UNC5D: variants seen among roughly 807,000 people sequenced by gnomAD.
The protein encoded by UNC5D is unc-5 netrin receptor D, also known as netrin receptor UNC5D.
In UNC5D, 39 loss-of-function variants were observed where a neutral mutation model predicts 105.4. That is an observed-to-expected ratio of 0.37 (90% CI 0.29 to 0.48). The LOEUF (loss-of-function observed/expected upper bound fraction) is 0.48. Among genes scored for constraint, UNC5D ranks in the 20% least tolerant of loss-of-function variants. The probability of loss-of-function intolerance (pLI) is 0.98; values close to 1 mark genes in which losing one functional copy is unlikely to be tolerated. For missense variants in UNC5D, 991 were observed against 1,202.4 expected, an observed-to-expected ratio of 0.82 and a Z score of 2.60; for synonymous variants, 452 against 450.4, an observed-to-expected ratio of 1.00 and a Z score of -0.04.
chr8:35,610,188 CT>C (rs986309334), intron 4 of UNC5D, among the ~76,000 whole-genome samples: 1 of 151,626 alleles, frequency 6.6e-6, no homozygotes, highest in African/African-American at 2.4e-5. Context: ...CCTACAGCAA[CT>C]TTTCTAAGCT....
At chr8:35,338,687 C>T (rs1469664620) in intron 1 of UNC5D, among the ~76,000 whole-genome samples, 1 of 152,118 alleles carries the variant, frequency 6.6e-6, no homozygotes, top group Non-Finnish European at 1.5e-5. Context: ...TTCTTCCTGG[C>T]TCACTTTTAG....
chr8:35,651,760 C>T (rs559941885), intron 4 of UNC5D, among the ~76,000 whole-genome samples: 1 of 152,234 alleles, frequency 6.6e-6, no homozygotes, highest in Admixed American at 6.5e-5. Flanking sequence ...GGTGAAACTA[C>T]ACTCTTCTGG....
intron 4 of UNC5D, among the ~76,000 whole-genome samples, chr8:35,613,649 G>T (rs143580503): frequency 9.2e-4 from 140 of 152,250 alleles, no homozygotes; most frequent in African/African-American, 3.3e-3. Context: ...AGGAGTACAA[G>T]ACCAGCCTGG....
At chr8:35,404,127 T>C (rs1804653958) in intron 1 of UNC5D, among the ~76,000 whole-genome samples, 2 of 152,182 alleles carry the variant, frequency 1.3e-5, no homozygotes, top group Admixed American at 6.5e-5. Flanking sequence ...GCCTCTCTTA[T>C]ATTGAAAACA....
At chr8:35,552,987 C>T (rs1177045321) in intron 2 of UNC5D, among the ~76,000 whole-genome samples, 2 of 152,184 alleles carry the variant, frequency 1.3e-5, no homozygotes, top group African/African-American at 2.4e-5. Context: ...ACCAGTGGCT[C>T]ACTGGGGCTG....
At position 35,538,439 on chromosome 8, in the gene UNC5D, A is replaced by ATATATATG. The variant is rs1563514252; in HGVS notation, c.104-10852_104-10851insATATATGT. ...TATATATATATATATATATATATAT[A>ATATATATG]TGAATTTTATTCAAAAGACGGAGGA... is the stretch of plus-strand genomic sequence containing the variant. On this transcript the variant is annotated intron_variant, in intron 1 of 16. Transcript: ENST00000404895. Among the ~76,000 whole-genome samples, 19 of 126,842 alleles carry ATATATATG rather than the reference A, an allele frequency of 1.5e-4. 1 individual carries two copies. The highest frequency in any genetic ancestry group is 5.6e-4 in the African/African-American group (19 of 33,764). The allele number at this position is 126,842 out of a possible 152,430, so 83.2% of individuals were successfully genotyped here. A position where few individuals can be genotyped will look rare whatever the true frequency, so the allele number is the denominator to read the frequency against.
At chr8:35,448,599 T>C (rs114565064) in intron 1 of UNC5D, among the ~76,000 whole-genome samples, 2,571 of 152,216 alleles carry the variant, frequency 0.017, 83 homozygotes, top group African/African-American at 0.059. Context: ...GAATCAGTGA[T>C]TTAAACCCTC....
intron 1 of UNC5D, among the ~76,000 whole-genome samples, chr8:35,287,803 C>CA (rs994885521): frequency 1.9e-4 from 29 of 150,518 alleles, no homozygotes; most frequent in African/African-American, 6.6e-4. Context: ...GACCCTGTCT[C>CA]AAAAAAAATG....
chr8:35,632,913 T>C (rs1170086971), intron 4 of UNC5D, among the ~76,000 whole-genome samples: 2 of 152,164 alleles, frequency 1.3e-5, no homozygotes, highest in African/African-American at 4.8e-5. Context: ...ACTCTTCACC[T>C]CCCTTGTTTC....
At chr8:35,650,141 C>CA (rs112007623) in intron 4 of UNC5D, among the ~76,000 whole-genome samples, 1 of 151,866 alleles carries the variant, frequency 6.6e-6, no homozygotes, top group Non-Finnish European at 1.5e-5. Flanking sequence ...AAACAAAAAA[C>CA]AAAAAACAAA....
In UNC5D at chr8:35,684,585, A is replaced by G; in HGVS notation, c.755A>G (p.Asn252Ser). 1.2e-6 allele frequency: 2 copies of G among 1,608,952 alleles called. No homozygotes were observed. The highest frequency in any genetic ancestry group is 1.3e-5 in the African/African-American group (1 of 74,718). Residue 252 changes from asparagine (N) to serine (S), a missense_variant, in exon 6 of 17, where the codon AAT becomes AGT. By Grantham distance (46) the Asn-to-Ser change is conservative. Transcript: ENST00000404895. Reference sequence around the variant, plus strand: ...CCTCCCCATTTTTCTCTCTCAGTGAATGGAGGCTGGTCTTCCTGGACAGAG... The same window carrying G: ...CCTCCCCATTTTTCTCTCTCAGTGAGTGGAGGCTGGTCTTCCTGGACAGAG... ...SLSATVVVYV[N>S]GGWSSWTEWS... is the part of the protein sequence containing the mutation.
At chr8:35,480,499 C>G (rs1225255686) in intron 1 of UNC5D, among the ~76,000 whole-genome samples, 1 of 152,014 alleles carries the variant, frequency 6.6e-6, no homozygotes, top group African/African-American at 2.4e-5. Flanking sequence ...ATGAGTTTTC[C>G]TGGCAGAAAG....
At chr8:35,562,853 T>C (rs1817056568) in intron 2 of UNC5D, among the ~76,000 whole-genome samples, 1 of 152,116 alleles carries the variant, frequency 6.6e-6, no homozygotes, top group South Asian at 2.1e-4. Flanking sequence ...ACCAGTGTTT[T>C]TAAGGACTTA....
At chr8:35,645,562 C>G (rs983303211) in intron 4 of UNC5D, among the ~76,000 whole-genome samples, 11 of 151,108 alleles carry the variant, frequency 7.3e-5, no homozygotes, top group African/African-American at 2.7e-4. Context: ...TGTGAATTCT[C>G]TCTTGTTTCT....
intron 1 of UNC5D, among the ~76,000 whole-genome samples, chr8:35,312,076 G>T (rs1808930916): frequency 1.3e-5 from 2 of 152,146 alleles, no homozygotes; most frequent in African/African-American, 2.4e-5. Context: ...CTAAAGTCAT[G>T]TTTCCCAAAC....
intron 1 of UNC5D, among the ~76,000 whole-genome samples, chr8:35,263,805 C>A (rs1210590673): frequency 6.6e-6 from 1 of 152,206 alleles, no homozygotes; most frequent in African/African-American, 2.4e-5. Context: ...CATCAAGTGA[C>A]AACTGACTTG....
chr8:35,558,016 C>T lies in UNC5D; in HGVS notation c.322+8506C>T, dbSNP rs140952261. Among the ~76,000 whole-genome samples, 106 of 151,338 alleles carry T rather than the reference C, an allele frequency of 7.0e-4. 4 individuals are homozygous for T. The East Asian group carries it at 0.016, about 23-fold the overall frequency. On this transcript the variant is annotated intron_variant, in intron 2 of 16. Transcript: ENST00000404895. ...ATGTGGTGGTGGGCACCTATAATCC[C>T]TTGTGAGGCTGAGGCAGGAGAATCG...
chr8:35,276,602 T>C (rs928472128), intron 1 of UNC5D, among the ~76,000 whole-genome samples: 6 of 152,240 alleles, frequency 3.9e-5, no homozygotes, highest in Admixed American at 3.3e-4. Flanking sequence ...TGATTCCACA[T>C]TCACTAAGCA....
intron 1 of UNC5D, among the ~76,000 whole-genome samples, chr8:35,459,375 T>G (rs79453230): frequency 0.039 from 5,912 of 152,272 alleles, 339 homozygotes; most frequent in African/African-American, 0.13. Flanking sequence ...TAATAACATT[T>G]CAATTTTAAA....
Sources: gnomAD v4.1 joint callset for allele counts (sites outside exome capture counted in the v4.1 genomes callset) on GRCh38, gnomAD v4.1.1 for gene constraint, MANE v1.5 for transcripts, NCBI Gene and HGNC (gene_info 2026-07-23, HGNC 2026-07-21) for gene names.